EPHA7: variants seen among roughly 807,000 people sequenced by gnomAD.
The protein encoded by EPHA7 is ephrin type-A receptor 7.
EPHA7 carries 25 observed loss-of-function variants against 112.6 expected under a neutral mutation model. The observed-to-expected ratio is 0.22, with a 90% CI of 0.16 to 0.31. EPHA7 has a LOEUF of 0.31. Ranked by LOEUF, EPHA7 falls within the 10% of genes least tolerant of loss-of-function variation. The probability of loss-of-function intolerance (pLI) is 1.00; values close to 1 mark genes in which losing one functional copy is unlikely to be tolerated. For synonymous variants in EPHA7, 437 were observed against 406.5 expected, an observed-to-expected ratio of 1.07 and a Z score of -0.90; for missense variants, 962 against 1,212.6, an observed-to-expected ratio of 0.79 and a Z score of 3.07.
intron 5 of EPHA7, among the ~76,000 whole-genome samples, chr6:93,283,002 C>A (rs574210180): frequency 2.8e-4 from 42 of 152,198 alleles, no homozygotes; most frequent in African/African-American, 9.9e-4. Flanking sequence ...GAGCAGGGCG[C>A]GGGACTGGCA....
At chr6:93,348,914 A>G (rs1436736984) in intron 5 of EPHA7, among the ~76,000 whole-genome samples, 1 of 151,852 alleles carries the variant, frequency 6.6e-6, no homozygotes, top group Non-Finnish European at 1.5e-5. Flanking sequence ...AAGAGGAAAG[A>G]TAAACTTTTC....
At chr6:93,262,160 A>G (rs567168921) in intron 9 of EPHA7, among the ~76,000 whole-genome samples, 2 of 151,660 alleles carry the variant, frequency 1.3e-5, no homozygotes, top group East Asian at 1.9e-4. Context: ...AAATTTAGGC[A>G]TTCAAGTTTT....
chr6:93,309,789 A>G (rs1322001854), intron 5 of EPHA7, among the ~76,000 whole-genome samples: 1 of 152,220 alleles, frequency 6.6e-6, no homozygotes, highest in Non-Finnish European at 1.5e-5. Flanking sequence ...AAAAGCATTA[A>G]CATAACTTCT....
intron 7 of EPHA7, among the ~76,000 whole-genome samples, chr6:93,266,691 A>G (rs1770956575): frequency 6.6e-6 from 1 of 151,690 alleles, no homozygotes; most frequent in African/African-American, 2.4e-5. Context: ...TTTAGGCTGC[A>G]TCTTACCTTC....
chr6:93,258,039 A>G, intron 11 of EPHA7, 60 bp downstream of exon 11: 1 of 1,465,626 alleles, frequency 6.8e-7, no homozygotes, highest in Non-Finnish European at 9.5e-7. Flanking sequence ...TGTGTACATA[A>G]TAATACTAAT....
At chr6:93,274,716 A>C (rs997903882) in intron 5 of EPHA7, among the ~76,000 whole-genome samples, 1 of 151,862 alleles carries the variant, frequency 6.6e-6, no homozygotes, top group Non-Finnish European at 1.5e-5. Flanking sequence ...ATGGCCCTTG[A>C]GAATGGATAA....
chr6:93,282,305 C>T (rs374349464), intron 5 of EPHA7, among the ~76,000 whole-genome samples: 2 of 152,220 alleles, frequency 1.3e-5, no homozygotes, highest in African/African-American at 2.4e-5. Context: ...ACTTCCATTA[C>T]GGAACACTGA....
intron 3 of EPHA7, among the ~76,000 whole-genome samples, chr6:93,373,573 G>A (rs1220290404): frequency 6.6e-6 from 1 of 151,998 alleles, no homozygotes; most frequent in African/African-American, 2.4e-5. Flanking sequence ...ATATTTCATG[G>A]TTTTGCCAGT....
intron 5 of EPHA7, among the ~76,000 whole-genome samples, chr6:93,326,395 T>C (rs911320018): frequency 1.3e-5 from 2 of 151,512 alleles, no homozygotes; most frequent in African/African-American, 4.8e-5. Flanking sequence ...GCTCTATTTA[T>C]ATAAAATATA....
intron 5 of EPHA7, among the ~76,000 whole-genome samples, chr6:93,346,039 T>G (rs1775390181): frequency 6.6e-6 from 1 of 151,714 alleles, no homozygotes; most frequent in Non-Finnish European, 1.5e-5. Flanking sequence ...TTCACCTACA[T>G]TTCATAGCTT....
chr6:93,258,271 T>G lies in EPHA7; in HGVS notation c.1938A>C (p.Glu646Asp). The G allele has an allele frequency of 6.3e-7, 1 of 1,595,330 alleles. No homozygotes were observed. The highest frequency in any genetic ancestry group is 8.5e-7 in the Non-Finnish European group (1 of 1,170,350). The part of the protein sequence containing the change: ...ERVIGAGEFG[E>D]VCSGRLKLPG... The stretch of plus-strand genomic sequence containing the variant: ...GAAGTTTCAAACGGCCACTGCAGAC[T>G]TCACCGAATTCTCCTGAAGTAACAG... Residue 646 changes from glutamate (E) to aspartate (D), a missense_variant, in exon 11 of 17, where the codon GAA becomes GAC. Glu to Asp is a conservative substitution (Grantham distance 45). Transcript: ENST00000369303.
At chr6:93,411,693 A>T (rs985897565) in intron 2 of EPHA7, among the ~76,000 whole-genome samples, 4 of 152,164 alleles carry the variant, frequency 2.6e-5, no homozygotes, top group Non-Finnish European at 5.9e-5. Context: ...AATATTTTAC[A>T]ATCGTTTCAA....
chr6:93,259,900 C>A (rs1770609532), intron 9 of EPHA7, among the ~76,000 whole-genome samples: 1 of 151,836 alleles, frequency 6.6e-6, no homozygotes, highest in South Asian at 2.1e-4. Context: ...GAAGACATTT[C>A]ATTTACAGGT....
chr6:93,414,444 G>C (rs765608853), intron 2 of EPHA7, among the ~76,000 whole-genome samples: 50 of 151,814 alleles, frequency 3.3e-4, no homozygotes, highest in African/African-American at 3.9e-4. Context: ...TTACAGCCTG[G>C]ACCCTGAGGT....
chr6:93,307,372 C>T (rs949917387), intron 5 of EPHA7, among the ~76,000 whole-genome samples: 1 of 152,052 alleles, frequency 6.6e-6, no homozygotes, highest in Non-Finnish European at 1.5e-5. Context: ...TGTTCTGACA[C>T]TGATAACACA....
chr6:93,366,698 T>A lies in EPHA7; in HGVS notation c.833-8287A>T, dbSNP rs1306077575. ...TGTCAGAGATCCGTCTGCCAACCGG[T>A]TTACCTCTCGCTTTCACCGTGCCAT... On this transcript the variant is annotated intron_variant, in intron 3 of 16. Transcript: ENST00000369303. Among the ~76,000 whole-genome samples, 7 of 152,216 alleles carry A rather than the reference T, an allele frequency of 4.6e-5. No homozygotes were observed. In the South Asian group the frequency reaches 1.4e-3, roughly 32 times the overall value.
At chr6:93,279,404 T>G (rs1771622851) in intron 5 of EPHA7, among the ~76,000 whole-genome samples, 1 of 152,092 alleles carries the variant, frequency 6.6e-6, no homozygotes, top group Non-Finnish European at 1.5e-5. Context: ...CTTTCCCACC[T>G]CTTTTTCTTA....
intron 3 of EPHA7, among the ~76,000 whole-genome samples, chr6:93,403,286 T>C (rs1251359486): frequency 1.3e-5 from 2 of 151,604 alleles, no homozygotes; most frequent in African/African-American, 4.9e-5. Context: ...AGTAATTCTT[T>C]AAGAAATTTC....
intron 3 of EPHA7, among the ~76,000 whole-genome samples, chr6:93,362,677 T>G (rs978159727): frequency 2.6e-5 from 4 of 152,090 alleles, no homozygotes; most frequent in African/African-American, 9.7e-5. Context: ...CATTATGCAG[T>G]CAGTGGACCA....
Sources: allele counts gnomAD v4.1 joint callset (sites outside exome capture counted in the v4.1 genomes callset), GRCh38; gene constraint gnomAD v4.1.1; transcripts MANE v1.5; gene names NCBI Gene and HGNC (gene_info 2026-07-23, HGNC 2026-07-21).